The following MYH10 variants were observed in gnomAD, a reference collection of about 807,000 sequenced individuals.
MYH10 encodes the protein myosin heavy chain 10.
A neutral mutation model predicts 257.8 loss-of-function variants in MYH10; 55 were observed. The ratio of observed to expected loss-of-function variants is 0.21; its 90% confidence interval spans 0.17 to 0.27. MYH10 has a LOEUF of 0.27. Ranked by LOEUF, MYH10 falls within the 10% of genes least tolerant of loss-of-function variation. The pLI, the probability that MYH10 is intolerant of heterozygous loss-of-function variation, is 1.00. For missense variants in MYH10, 1,631 were observed against 2,500.6 expected, an observed-to-expected ratio of 0.65 and a Z score of 7.42; for synonymous variants, 854 against 921.7, an observed-to-expected ratio of 0.93 and a Z score of 1.33.
rs780160274 is a variant in MYH10, at chr17:8,504,958, C to A, written c.3387-52G>T. On this transcript the variant is annotated intron_variant, in intron 27 of 42. Transcript: ENST00000360416. This position sits in a 1 kb window ranked among gnomAD's most constrained non-coding sequence, Gnocchi z 5.6. ...CACTCAGAGATGGCACCCGGATGGC[C>A]TGTTTCTCAGGCGAGCCCCAGCCCC... 1 of 1,523,948 alleles carries A rather than the reference C, an allele frequency of 6.6e-7. No individual in the cohort carries two copies. The highest frequency in any genetic ancestry group is 2.3e-5 in the East Asian group (1 of 44,354). 94.4% of individuals were successfully genotyped at this position (1,523,948 alleles called of 1,614,324 possible). A position where few individuals can be genotyped will look rare whatever the true frequency, so the allele number is the denominator to read the frequency against.
rs1455154015 is a variant in MYH10, at chr17:8,492,391, G to A, written c.4577C>T (p.Ala1526Val). The part of the protein sequence containing the change: ...ALSLARALEE[A>V]LEAKEEFERQ... ...CTCAAACTCCTCCTTGGCCTCCAGGGCTTCCTCGAGGGCCCGGGCCAGTGA... is the reference window on the plus strand; with the variant it reads ...CTCAAACTCCTCCTTGGCCTCCAGGACTTCCTCGAGGGCCCGGGCCAGTGA... The change falls in exon 34 of 43, where the codon GCC (alanine) becomes GTC (valine). Residue 1526 changes from alanine (A) to valine (V), a missense_variant. This residue lies in a region of MYH10 where 463 missense variants were observed against 621.8 expected (regional missense o/e 0.74). Coordinates refer to ENST00000360416, the MANE Select transcript of MYH10 (RefSeq NM_001256012.3). 2 of 1,613,514 alleles carry A rather than the reference G, an allele frequency of 1.2e-6. No homozygotes were observed. Among genetic ancestry groups the A allele is most frequent in the African/African-American group, 1.3e-5 (1 of 74,938 alleles).
At chr17:8,492,273 T>C (rs1915886891) in intron 34 of MYH10, 24 bp downstream of exon 34, 2 of 1,606,074 alleles carry the variant, frequency 1.2e-6, no homozygotes, top group East Asian at 4.5e-5. Context: ...CGTGCGGAAG[T>C]GTGGAGCCCA....
rs558985298 is a variant in MYH10 at position 8,576,627 on chromosome 17, A to G, written c.663+16T>C. The G allele has an allele frequency of 6.5e-7, 1 of 1,549,908 alleles. No individual in the cohort carries two copies. Among genetic ancestry groups the G allele is most frequent in the East Asian group, 2.4e-5 (1 of 40,916 alleles). On this transcript the variant is annotated intron_variant, in intron 6 of 42. Coordinates refer to ENST00000360416, the MANE Select transcript of MYH10 (RefSeq NM_001256012.3). ...GCAAACACTCAAGACTAAGAAGCATAAAGAAGAGCACTTGCCTGGTGTTTC... is the reference window on the plus strand; with the variant it reads ...GCAAACACTCAAGACTAAGAAGCATGAAGAAGAGCACTTGCCTGGTGTTTC...
intron 7 of MYH10, among the ~76,000 whole-genome samples, chr17:8,567,627 T>A (rs1334632020): frequency 6.6e-6 from 1 of 152,032 alleles, no homozygotes. Context: ...GGTGTCCTCA[T>A]AAGAAGAGAT....
intron 40 of MYH10, 97 bp downstream of exon 40, chr17:8,480,013 C>T: frequency 4.2e-6 from 5 of 1,199,032 alleles, no homozygotes; most frequent in Non-Finnish European, 5.9e-6. Flanking sequence ...GTTCTCTGCC[C>T]ACGTGGTGGG....
At chr17:8,489,745 A>ACACACACACCCCC (rs1258993754) in intron 35 of MYH10, among the ~76,000 whole-genome samples, 1 of 150,700 alleles carries the variant, frequency 6.6e-6, no homozygotes, top group African/African-American at 2.5e-5. Flanking sequence ...ACACACACAC[A>ACACACACACCCCC]CCCCAAATCC....
At chr17:8,496,465 C>A (rs956225057) in intron 30 of MYH10, among the ~76,000 whole-genome samples, 1 of 152,188 alleles carries the variant, frequency 6.6e-6, no homozygotes, top group African/African-American at 2.4e-5. Flanking sequence ...CCAGAGCGGG[C>A]AAGAGCCTTA....
rs1240831658 is a variant in MYH10 at position 8,569,662 on chromosome 17, A to C, written c.756+58T>G. ...AAAAGTAATTCATTTGCTTAATCAC[A>C]GTAAACATTTAACTAGAAATCTAAG... On this transcript the variant is annotated intron_variant, in intron 7 of 42. Transcript: ENST00000360416. This position sits in a 1 kb window ranked among gnomAD's most constrained non-coding sequence, Gnocchi z 4.1. 4 of 1,229,590 alleles carry C rather than the reference A, an allele frequency of 3.3e-6. No individual in the cohort carries two copies. Among genetic ancestry groups the C allele is most frequent in the Non-Finnish European group, 4.6e-6 (4 of 866,272 alleles). The allele number at this position is 1,229,590 out of a possible 1,614,324, so 76.2% of individuals were successfully genotyped here. A position where few individuals can be genotyped will look rare whatever the true frequency, so the allele number is the denominator to read the frequency against.
intron 33 of MYH10, 37 bp from the exon 34 acceptor site, chr17:8,492,546 AAC>A: frequency 6.4e-7 from 1 of 1,570,900 alleles, no homozygotes; most frequent in Non-Finnish European, 8.7e-7. Context: ...GAAAAACCGA[AAC>A]AGTGACATCA....
At chr17:8,577,072 C>A (rs959628689) in intron 5 of MYH10, among the ~76,000 whole-genome samples, 164 bp downstream of exon 5, 3 of 152,142 alleles carry the variant, frequency 2.0e-5, no homozygotes, top group African/African-American at 7.2e-5. Flanking sequence ...TGTATCCTAG[C>A]CTCTGGGGTG....
At chr17:8,543,469 T>C (rs534592325) in intron 13 of MYH10, among the ~76,000 whole-genome samples, 2 of 134,212 alleles carry the variant, frequency 1.5e-5, no homozygotes, top group East Asian at 4.5e-4. Context: ...GCCTGGGCCA[T>C]TACAAAGAAG....
chr17:8,623,186 T>G lies in MYH10; in HGVS notation c.61A>C (p.Ile21Leu). ...TCAGCTTGAGTGGCAGGGTTGTAGA[T>G]GACAGCCCTGTCCACAAAGAGATAC... The part of the protein sequence containing the change: ...ERYLFVDRAV[I>L]YNPATQADWT... The change falls in exon 2 of 43, where the codon ATC becomes CTC. Residue 21 changes from isoleucine (I) to leucine (L), a missense_variant. Transcript: ENST00000360416. The G allele has an allele frequency of 6.2e-7, 1 of 1,612,556 alleles. No homozygotes were observed. Among genetic ancestry groups the G allele is most frequent in the South Asian group, 1.1e-5 (1 of 90,760 alleles).
chr17:8,492,206 C>CAT, intron 34 of MYH10, 91 bp downstream of exon 34: 3 of 1,303,288 alleles, frequency 2.3e-6, no homozygotes, highest in Non-Finnish European at 3.2e-6. Flanking sequence ...GTCCTTCAGG[C>CAT]TCCCCTGAGG....
At chr17:8,513,720 T>C in intron 22 of MYH10, 51 bp from the exon 23 acceptor site, 4 of 1,609,078 alleles carry the variant, frequency 2.5e-6, no homozygotes, top group Non-Finnish European at 2.5e-6. Flanking sequence ...AGCTCTTTCC[T>C]ATGGGTTTTT....
At chr17:8,501,649 G>C (rs1273605372) in intron 28 of MYH10, among the ~76,000 whole-genome samples, 2 of 152,134 alleles carry the variant, frequency 1.3e-5, no homozygotes, top group African/African-American at 4.8e-5. Flanking sequence ...TGGGGAGGAG[G>C]GCATTATCTT....
intron 17 of MYH10, among the ~76,000 whole-genome samples, chr17:8,527,479 C>T (rs988486630): frequency 6.6e-6 from 1 of 152,230 alleles, no homozygotes; most frequent in Non-Finnish European, 1.5e-5. Flanking sequence ...TTGTGGGGTC[C>T]CATGTCCCCA....
chr17:8,544,992 GTC>G (rs2082400545), intron 13 of MYH10, among the ~76,000 whole-genome samples: 1 of 152,118 alleles, frequency 6.6e-6, no homozygotes, highest in East Asian at 1.9e-4. Flanking sequence ...CCCCTTGATG[GTC>G]TCTCGACCTG....
intron 3 of MYH10, among the ~76,000 whole-genome samples, chr17:8,589,468 CA>C: frequency 6.6e-6 from 1 of 152,176 alleles, no homozygotes; most frequent in African/African-American, 2.4e-5. Flanking sequence ...CTCACTAAAT[CA>C]TTCAACTCTG....
chr17:8,549,389 G>T (rs139313037), intron 9 of MYH10, among the ~76,000 whole-genome samples: 1 of 152,288 alleles, frequency 6.6e-6, no homozygotes, highest in East Asian at 1.9e-4. Context: ...ACAGGTACCC[G>T]CACTGACTAC....
Sources: gnomAD v4.1 joint callset for allele counts (sites outside exome capture counted in the v4.1 genomes callset) on GRCh38, gnomAD v4.1.1 for gene constraint, gnomAD v4.1.1 regional missense constraint, Gnocchi (gnomAD v3.1) non-coding constraint, MANE v1.5 for transcripts, NCBI Gene and HGNC (gene_info 2026-07-23, HGNC 2026-07-21) for gene names.